Variants in FKBP6 observed in about 807,000 individuals in gnomAD.
FKBP6 encodes the protein FKBP prolyl isomerase family member 6 (inactive).
Under a neutral mutation model 41.7 loss-of-function variants are expected in FKBP6, and 29 were observed. The ratio of observed to expected loss-of-function variants is 0.70; its 90% CI spans 0.52 to 0.95. FKBP6 has a LOEUF of 0.95. FKBP6 is among the 40% of genes least tolerant of loss of function. FKBP6 has a pLI of 0.00. For missense variants in FKBP6, 338 were observed against 408.7 expected (o/e 0.83, Z 1.49); for synonymous variants, 130 against 165.1 (o/e 0.79, Z 1.63).
chr7:73,349,142 G>C (rs1304133547), intron 8 of FKBP6, among the ~76,000 whole-genome samples: 3 of 152,156 alleles, frequency 2.0e-5, no homozygotes, highest in Non-Finnish European at 2.9e-5. Flanking sequence ...AGGTAGGGTG[G>C]CTCACGCCTG....
intron 2 of FKBP6, among the ~76,000 whole-genome samples, 171 bp downstream of exon 2, chr7:73,328,863 C>A (rs1199351327): frequency 1.3e-5 from 2 of 152,062 alleles, no homozygotes; most frequent in Non-Finnish European, 2.9e-5. Context: ...GGCTGGAGTG[C>A]AGTGGTGCGA....
At chr7:73,345,017 T>G (rs1201747474) in intron 8 of FKBP6, among the ~76,000 whole-genome samples, 1 of 152,196 alleles carries the variant, frequency 6.6e-6, no homozygotes, top group East Asian at 1.9e-4. Context: ...TAGTAGACAG[T>G]ATGCCTTTTC....
Position 73,342,827 on chromosome 7 carries a change from A to T in FKBP6, c.914A>T (p.Asp305Val). The T allele has an allele frequency of 6.2e-7, 1 of 1,613,644 alleles. No individual in the cohort carries two copies. Among genetic ancestry groups the T allele is most frequent in the Non-Finnish European group, 8.5e-7 (1 of 1,179,492 alleles). Residue 305 changes from aspartate to valine, a missense_variant, in exon 8 of 9, where the codon GAT (aspartate) becomes GTT (valine). Physicochemically the swap from Asp to Val is radical, Grantham distance 152. Transcript: ENST00000252037. ...TCCAGCTGTTACAGGGACTATGTGG[A>T]TAAAGAGAAAGAAATGTGGCACCGC... ...KLASCYRDYVDKEKEMWHRMF... is the reference protein window; with the variant it reads ...KLASCYRDYVVKEKEMWHRMF...
chr7:73,337,712 T>G (rs887795676), intron 5 of FKBP6, among the ~76,000 whole-genome samples: 8 of 152,098 alleles, frequency 5.3e-5, no homozygotes, highest in Non-Finnish European at 1.0e-4. Flanking sequence ...TTTTTTTTCT[T>G]GTTGTTGAGA....
chr7:73,353,707 G>A (rs1805552373), intron 8 of FKBP6, among the ~76,000 whole-genome samples: 1 of 151,710 alleles, frequency 6.6e-6, no homozygotes, highest in African/African-American at 2.4e-5. Context: ...TTTACATTTT[G>A]GTAATTATCA....
intron 5 of FKBP6, chr7:73,336,671 T>A: frequency 2.3e-6 from 1 of 439,342 alleles, no homozygotes. Flanking sequence ...CCCCGAGAGC[T>A]GGCTATTAAA....
intron 8 of FKBP6, among the ~76,000 whole-genome samples, chr7:73,346,239 C>T (rs1338505786): frequency 1.3e-5 from 2 of 152,232 alleles, no homozygotes; most frequent in Non-Finnish European, 2.9e-5. Context: ...CCTGCCCTGC[C>T]CCGCGTGGCC....
intron 5 of FKBP6, among the ~76,000 whole-genome samples, chr7:73,332,493 CAAA>C (rs202138259): frequency 8.4e-6 from 1 of 119,422 alleles, no homozygotes. Flanking sequence ...ACTCCCATCT[CAAA>C]AAAAAAAAAA....
intron 8 of FKBP6, among the ~76,000 whole-genome samples, chr7:73,357,576 T>C (rs1805669621): frequency 6.6e-6 from 1 of 152,078 alleles, no homozygotes; most frequent in African/African-American, 2.4e-5. Flanking sequence ...CAGTCTTTAC[T>C]TACTTCTGTC....
intron 8 of FKBP6, among the ~76,000 whole-genome samples, chr7:73,351,720 G>T (rs1226394578): frequency 2.6e-5 from 4 of 152,152 alleles, no homozygotes; most frequent in Non-Finnish European, 5.9e-5. Flanking sequence ...CCTGCTTCCT[G>T]CTAAGATTTA....
At chr7:73,343,048 G>T in intron 8 of FKBP6, 149 bp downstream of exon 8, 2 of 710,132 alleles carry the variant, frequency 2.8e-6, no homozygotes, top group Non-Finnish European at 5.1e-6. Flanking sequence ...CAACGGTAGT[G>T]CAGGATGCAC....
rs1379126273 is a variant in FKBP6, at chr7:73,355,656, AATG to A, written c.*3-2522_*3-2520del. On this transcript the variant is annotated intron_variant, in intron 8 of 8. Transcript: ENST00000252037. ...ACGTCTCCAAAGGTAAAAAAAAAAA[AATG>A]ATAACATGATCACTACCCATGTATC... is the stretch of plus-strand genomic sequence containing the variant. 2.6e-5 allele frequency among the ~76,000 whole-genome samples: 4 copies of A among 152,048 alleles called. No individual in the cohort carries two copies. The East Asian group carries it at 5.8e-4, about 22-fold the overall frequency.
In FKBP6 at chr7:73,342,900, G is replaced by C; in HGVS notation, c.*2+1G>C. On this transcript the variant is annotated splice_donor_variant, in intron 8 of 8. Coordinates refer to ENST00000252037, the MANE Select transcript of FKBP6 (RefSeq NM_003602.5). LOFTEE classifies it low-confidence loss of function (3UTR_SPLICE). Reference sequence around the variant, plus strand: ...GTTCTACAGCAGGAGAAAGTTGAAGGTAATCAAAGGGCCAGGGTGGCACAC... The same window carrying C: ...GTTCTACAGCAGGAGAAAGTTGAAGCTAATCAAAGGGCCAGGGTGGCACAC... 2 of 1,606,234 alleles carry C rather than the reference G, an allele frequency of 1.2e-6. No homozygotes were observed. Among genetic ancestry groups the C allele is most frequent in the Non-Finnish European group, 1.7e-6 (2 of 1,172,760 alleles).
intron 8 of FKBP6, among the ~76,000 whole-genome samples, chr7:73,357,856 T>C (rs1206748143): frequency 7.3e-5 from 11 of 151,684 alleles, no homozygotes; most frequent in African/African-American, 2.7e-4. Context: ...GGCGTGGTGG[T>C]GCGTGCCTGT....
intron 5 of FKBP6, among the ~76,000 whole-genome samples, chr7:73,338,415 C>T (rs903090424): frequency 1.3e-5 from 2 of 152,174 alleles, no homozygotes; most frequent in African/African-American, 4.8e-5. Context: ...GTTTCCACTT[C>T]GTGATTATTA....
At chr7:73,353,935 A>T (rs1583826589) in intron 8 of FKBP6, among the ~76,000 whole-genome samples, 1 of 152,240 alleles carries the variant, frequency 6.6e-6, no homozygotes, top group East Asian at 1.9e-4. Context: ...AGGTTTTACC[A>T]TGTAGGCCAG....
At chr7:73,343,559 C>T (rs1455616791) in intron 8 of FKBP6, among the ~76,000 whole-genome samples, 2 of 152,082 alleles carry the variant, frequency 1.3e-5, no homozygotes, top group Non-Finnish European at 2.9e-5. Flanking sequence ...GGCTGTGGCT[C>T]TTAAATTCTA....
intron 8 of FKBP6, among the ~76,000 whole-genome samples, chr7:73,357,442 T>C (rs1483542664): frequency 1.3e-5 from 2 of 151,854 alleles, no homozygotes; most frequent in Non-Finnish European, 2.9e-5. Context: ...GTATTTTTAG[T>C]AGAGATGGGG....
intron 8 of FKBP6, among the ~76,000 whole-genome samples, chr7:73,350,909 A>G (rs1016136509): frequency 6.6e-6 from 1 of 151,868 alleles, no homozygotes; most frequent in African/African-American, 2.4e-5. Flanking sequence ...GCAGATCATC[A>G]TCTCTCTCGG....
Sources: gnomAD v4.1 joint callset for allele counts (sites outside exome capture counted in the v4.1 genomes callset) on GRCh38, gnomAD v4.1.1 for gene constraint, MANE v1.5 for transcripts, NCBI Gene and HGNC (gene_info 2026-07-23, HGNC 2026-07-21) for gene names.